Variants in OSMR observed in about 807,000 individuals in gnomAD.
OSMR encodes the protein oncostatin M receptor.
A neutral mutation model predicts 99.9 loss-of-function variants in OSMR; 81 were observed. The observed-to-expected ratio is 0.81, with a 90% CI of 0.68 to 0.97. The LOEUF is 0.97. Ranked by LOEUF, OSMR falls within the 50% of genes least tolerant of loss-of-function variation. The pLI is 0.00. For missense variants in OSMR, 1,099 were observed against 1,153.4 expected (o/e 0.95, Z 0.68); for synonymous variants, 406 against 410.4 (o/e 0.99, Z 0.13).
intron 1 of OSMR, among the ~76,000 whole-genome samples, chr5:38,852,964 C>T (rs1047659849): frequency 6.6e-6 from 1 of 152,030 alleles, no homozygotes; most frequent in East Asian, 1.9e-4. Context: ...ATCTCCTGAC[C>T]TCGTGATCCG....
intron 7 of OSMR, among the ~76,000 whole-genome samples, chr5:38,889,174 T>C (rs1743990010): frequency 1.3e-5 from 2 of 152,118 alleles, no homozygotes; most frequent in African/African-American, 4.8e-5. Flanking sequence ...AGTAATATGG[T>C]ACATTCTTTC....
At chr5:38,885,992 A>G (rs908497817) in intron 6 of OSMR, 47 bp from the exon 7 acceptor site, 1 of 1,607,202 alleles carries the variant, frequency 6.2e-7, no homozygotes, top group Non-Finnish European at 8.5e-7. Flanking sequence ...GCTTTGACAA[A>G]AGTAAAAACC....
chr5:38,886,520 T>C (rs1242280249), intron 7 of OSMR: 1 of 279,204 alleles, frequency 3.6e-6, no homozygotes, highest in Admixed American at 5.0e-5. Flanking sequence ...ATTGTGTGCG[T>C]GTGTATTCTC....
At chr5:38,926,899 T>C (rs1351060664) in intron 15 of OSMR, among the ~76,000 whole-genome samples, 2 of 152,172 alleles carry the variant, frequency 1.3e-5, no homozygotes, top group African/African-American at 4.8e-5. Context: ...AGCAAGTTAG[T>C]TGTTTCCTAG....
intron 2 of OSMR, among the ~76,000 whole-genome samples, chr5:38,871,130 G>T (rs899291815): frequency 6.6e-6 from 1 of 152,116 alleles, no homozygotes; most frequent in African/African-American, 2.4e-5. Context: ...AGAAAAATGG[G>T]GTACTCGGTT....
intron 15 of OSMR, among the ~76,000 whole-genome samples, chr5:38,928,810 A>G (rs535328546): frequency 6.6e-6 from 1 of 152,324 alleles, no homozygotes; most frequent in East Asian, 1.9e-4. Flanking sequence ...TCAGTGATTT[A>G]CATTATTTGA....
At chr5:38,893,824 G>GAAC (rs1220524607) in intron 7 of OSMR, among the ~76,000 whole-genome samples, 1 of 152,122 alleles carries the variant, frequency 6.6e-6, no homozygotes, top group Non-Finnish European at 1.5e-5. Flanking sequence ...GAAATCCAGA[G>GAAC]AACACCTGCT....
intron 1 of OSMR, among the ~76,000 whole-genome samples, chr5:38,862,194 G>A (rs1321759214): frequency 1.0e-4 from 13 of 123,844 alleles, no homozygotes; most frequent in Non-Finnish European, 1.2e-4. Context: ...AGGGGCGGCC[G>A]GGCAGAGGCG....
intron 9 of OSMR, among the ~76,000 whole-genome samples, chr5:38,907,014 A>G (rs1298126218): frequency 6.6e-6 from 1 of 152,250 alleles, no homozygotes; most frequent in African/African-American, 2.4e-5. Context: ...GTATGCAGAA[A>G]TCATATTTAA....
Position 38,933,356 on chromosome 5 carries a change from T to C in OSMR, c.2852T>C (p.Val951Ala). The C allele has an allele frequency of 6.2e-7, 1 of 1,614,022 alleles. No homozygotes were observed. The highest frequency in any genetic ancestry group is 8.5e-7 in the Non-Finnish European group (1 of 1,179,946). Reference protein sequence around the residue: ...HCSEYKMQMAVSLRLALPPPT... With the variant: ...HCSEYKMQMAASLRLALPPPT... ...TCAGAGTATAAAATGCAAATGGCAG[T>C]CTCCCTGCGTCTTGCCTTGCCTCCC... Residue 951 changes from valine (V) to alanine (A), a missense_variant, in exon 18 of 18, where the codon GTC (valine) becomes GCC (alanine). Transcript: ENST00000274276.
At chr5:38,916,276 A>G (rs1745893129) in intron 9 of OSMR, among the ~76,000 whole-genome samples, 1 of 152,214 alleles carries the variant, frequency 6.6e-6, no homozygotes, top group African/African-American at 2.4e-5. Flanking sequence ...TTTTTAAATG[A>G]GAATTTTGTT....
chr5:38,944,871 C>T (rs766719552), intron 2 of OSMR: 3 of 1,570,066 alleles, frequency 1.9e-6, no homozygotes, highest in South Asian at 1.1e-5. Flanking sequence ...CTAATCAGAA[C>T]AGTTTTACTA....
chr5:38,861,768 T>C (rs1445412045), intron 1 of OSMR, among the ~76,000 whole-genome samples: 474 of 109,018 alleles, frequency 4.3e-3, no homozygotes, highest in Middle Eastern at 0.024. Context: ...ACCTCCCTCC[T>C]GGACGGGGCG....
intron 9 of OSMR, among the ~76,000 whole-genome samples, chr5:38,913,286 A>G (rs1041946966): frequency 6.6e-6 from 1 of 152,074 alleles, no homozygotes; most frequent in Non-Finnish European, 1.5e-5. Flanking sequence ...GCGGTGGCTC[A>G]TGCCTGTAAT....
At chr5:38,907,665 A>T (rs1484522825) in intron 9 of OSMR, among the ~76,000 whole-genome samples, 8 of 152,138 alleles carry the variant, frequency 5.3e-5, no homozygotes. Flanking sequence ...AGGGGACCAT[A>T]TCATAGCTGC....
chr5:38,874,040 G>T (rs922335169), intron 2 of OSMR, among the ~76,000 whole-genome samples: 1 of 151,862 alleles, frequency 6.6e-6, no homozygotes, highest in Admixed American at 6.6e-5. Flanking sequence ...CCATGTTGCC[G>T]ACTCTTTTGC....
chr5:38,942,823 T>C lies in OSMR; in HGVS notation c.75-1378T>C, dbSNP rs747344859. On this transcript the variant is annotated intron_variant and NMD_transcript_variant, in intron 1 of 2. Transcript: ENST00000508882. ...GGAAGATAAATTTGAGAAGTACTAA[T>C]CATACTTACTTGTAGAAACTGTACA... is the stretch of plus-strand genomic sequence containing the variant. The C allele has an allele frequency of 1.9e-6, 3 of 1,583,090 alleles. No individual in the cohort carries two copies. In the South Asian group the frequency reaches 3.3e-5, roughly 18 times the overall value.
Position 38,869,074 on chromosome 5 carries a change from A to G in OSMR, c.30A>G (p.Thr10=). The G allele has an allele frequency of 1.2e-6, 2 of 1,613,958 alleles. No individual in the cohort carries two copies. The highest frequency in any genetic ancestry group is 1.7e-6 in the Non-Finnish European group (2 of 1,179,782). Residue 10 remains threonine (T), a synonymous_variant, in exon 2 of 18, where the codon ACA becomes ACG. Transcript: ENST00000274276. ...CTCTATTTGCAGTCTTTCAGACAAC[A>G]TTCTTCTTAACATTGCTGTCCTTGA... MALFAVFQT[T]FFLTLLSLRT...
downstream of OSMR, chr5:38,938,195 C>CGTAG (rs1579831118): frequency 1.3e-5 from 3 of 222,252 alleles, no homozygotes; most frequent in East Asian, 2.0e-4. Flanking sequence ...TGTTCAGTGA[C>CGTAG]CTACAAACAC....
Sources: gnomAD v4.1 joint callset for allele counts (sites outside exome capture counted in the v4.1 genomes callset) on GRCh38, gnomAD v4.1.1 for gene constraint, MANE v1.5 for transcripts, NCBI Gene and HGNC (gene_info 2026-07-23, HGNC 2026-07-21) for gene names.